Variants in ENOX1 observed in about 807,000 individuals in gnomAD.
ENOX1 encodes the protein ecto-NOX disulfide-thiol exchanger 1.
Under a neutral mutation model 82.5 loss-of-function variants are expected in ENOX1, and 42 were observed. The ratio of observed to expected loss-of-function variants is 0.51; its 90% confidence interval spans 0.40 to 0.66. The LOEUF (loss-of-function observed/expected upper bound fraction) is 0.66, where lower values mean the gene tolerates loss of function less well. ENOX1 is among the 30% of genes least tolerant of loss of function. The probability of loss-of-function intolerance (pLI) is 0.00; values close to 1 mark genes in which losing one functional copy is unlikely to be tolerated. For synonymous variants in ENOX1, 271 were observed against 282.2 expected (o/e 0.96, Z 0.40); for missense variants, 608 against 811.6 (o/e 0.75, Z 3.05).
At chr13:43,400,381 C>G (rs1214239752) in intron 5 of ENOX1, among the ~76,000 whole-genome samples, 1 of 152,222 alleles carries the variant, frequency 6.6e-6, no homozygotes, top group Non-Finnish European at 1.5e-5. Flanking sequence ...ATCCCACCTG[C>G]TCTGCATTCT....
intron 11 of ENOX1, among the ~76,000 whole-genome samples, chr13:43,302,249 C>T (rs956515514): frequency 8.5e-5 from 13 of 152,096 alleles, no homozygotes; most frequent in African/African-American, 2.9e-4. Flanking sequence ...GAATTAGACA[C>T]CTTAAATGTC....
intron 14 of ENOX1, among the ~76,000 whole-genome samples, chr13:43,259,059 G>A (rs1376018823): frequency 6.6e-6 from 1 of 152,140 alleles, no homozygotes; most frequent in African/African-American, 2.4e-5. Context: ...GTCCAAGGCT[G>A]GGTAACAGTA....
In ENOX1 at chr13:43,401,330, G is replaced by A. The variant is rs536356824; in HGVS notation, c.208+10586C>T. Reference sequence around the variant, plus strand: ...AATCAAACAAAATATATGAAATGACGGTTTTCAGATACTGTACAACAAAAA... The same window carrying A: ...AATCAAACAAAATATATGAAATGACAGTTTTCAGATACTGTACAACAAAAA... On this transcript the variant is annotated intron_variant, in intron 5 of 16. Coordinates refer to ENST00000690772, the MANE Select transcript of ENOX1 (RefSeq NM_001347969.2). 1.2e-4 allele frequency among the ~76,000 whole-genome samples: 18 copies of A among 152,112 alleles called. No individual in the cohort carries two copies. In the South Asian group the frequency reaches 1.5e-3, roughly 12 times the overall value.
At chr13:43,230,544 A>T (rs1016122474) in intron 15 of ENOX1, among the ~76,000 whole-genome samples, 3 of 152,146 alleles carry the variant, frequency 2.0e-5, no homozygotes, top group Admixed American at 6.5e-5. Context: ...CTTTCATAAT[A>T]GTCCTCATAC....
intron 5 of ENOX1, among the ~76,000 whole-genome samples, chr13:43,373,577 CACACAT>C (rs1411221751): frequency 3.9e-5 from 6 of 152,186 alleles, no homozygotes; most frequent in African/African-American, 7.2e-5. Context: ...TTTTTACCCA[CACACAT>C]ACACATACAC....
chr13:43,658,269 T>C (rs1164857856), intron 2 of ENOX1, among the ~76,000 whole-genome samples: 4 of 152,238 alleles, frequency 2.6e-5, no homozygotes, highest in South Asian at 2.1e-4. Flanking sequence ...TCAGTTTCTA[T>C]GCTTGTCATA....
At position 43,786,957 on chromosome 13, in the gene ENOX1, G is replaced by T. The variant is rs1296920148; in HGVS notation, c.-590C>A. The T allele has an allele frequency of 2.0e-5, 3 of 150,844 alleles. No individual in the cohort carries two copies. Among genetic ancestry groups the T allele is most frequent in the Non-Finnish European group, 4.4e-5 (3 of 67,564 alleles). The allele number at this position is 150,844 out of a possible 1,614,324, so 9.3% of individuals were successfully genotyped here. On this transcript the variant is annotated 5_prime_UTR_variant, in exon 1 of 17. Coordinates refer to ENST00000690772, the MANE Select transcript of ENOX1 (RefSeq NM_001347969.2). This position sits in a 1 kb window ranked among gnomAD's most constrained non-coding sequence, Gnocchi z 6.0. ...GCTGGAGGCGCGCGGGCGTGCGCAC[G>T]CGCGCCTGCGAGTGTGAGTGTATGG...
At chr13:43,608,910 G>A (rs1302496759) in intron 2 of ENOX1, among the ~76,000 whole-genome samples, 2 of 152,254 alleles carry the variant, frequency 1.3e-5, no homozygotes, top group Admixed American at 6.5e-5. Flanking sequence ...CTCCTCTAAC[G>A]TCAGTGTCAG....
chr13:43,564,344 T>A (rs2079823058), intron 2 of ENOX1, among the ~76,000 whole-genome samples: 1 of 151,846 alleles, frequency 6.6e-6, no homozygotes, highest in Non-Finnish European at 1.5e-5. Flanking sequence ...AGAAAAAAAA[T>A]CCTAAAATTT....
At chr13:43,695,954 C>G (rs1454044760) in intron 1 of ENOX1, among the ~76,000 whole-genome samples, 1 of 152,130 alleles carries the variant, frequency 6.6e-6, no homozygotes, top group Non-Finnish European at 1.5e-5. Flanking sequence ...CCCCATCCCC[C>G]CACTACAACC....
intron 2 of ENOX1, among the ~76,000 whole-genome samples, chr13:43,665,806 C>T (rs568650672): frequency 6.6e-6 from 1 of 151,336 alleles, no homozygotes; most frequent in Non-Finnish European, 1.5e-5. Flanking sequence ...CAAATGCCAG[C>T]GTAATACCTG....
chr13:43,727,200 A>C (rs2089038226), intron 1 of ENOX1, among the ~76,000 whole-genome samples: 1 of 151,926 alleles, frequency 6.6e-6, no homozygotes, highest in Non-Finnish European at 1.5e-5. Flanking sequence ...AGGTTAACAG[A>C]CTCCAGTTAC....
At chr13:43,440,935 A>G (rs2153621989) in intron 3 of ENOX1, among the ~76,000 whole-genome samples, 1 of 152,338 alleles carries the variant, frequency 6.6e-6, no homozygotes, top group Non-Finnish European at 1.5e-5. Context: ...TGCTTGATAC[A>G]CTTGAGAAGG....
chr13:43,468,381 C>T (rs1291748691), intron 3 of ENOX1, among the ~76,000 whole-genome samples: 1 of 151,918 alleles, frequency 6.6e-6, no homozygotes, highest in Non-Finnish European at 1.5e-5. Context: ...TGGGGTTTCA[C>T]CATGCTGGCC....
At chr13:43,259,391 G>C (rs2043928451) in intron 14 of ENOX1, among the ~76,000 whole-genome samples, 2 of 152,314 alleles carry the variant, frequency 1.3e-5, no homozygotes, top group African/African-American at 4.8e-5. Context: ...GAAACATATG[G>C]AGCAGGATGC....
chr13:43,277,438 G>T (rs2045114607), intron 12 of ENOX1, among the ~76,000 whole-genome samples: 1 of 152,114 alleles, frequency 6.6e-6, no homozygotes, highest in Non-Finnish European at 1.5e-5. Flanking sequence ...TGAACCCTGG[G>T]GTCATGCCTA....
At chr13:43,522,732 G>T (rs1277760249) in intron 2 of ENOX1, among the ~76,000 whole-genome samples, 1 of 151,938 alleles carries the variant, frequency 6.6e-6, no homozygotes, top group African/African-American at 2.4e-5. Context: ...CCAGATTTGT[G>T]GATTTCATGC....
chr13:43,756,479 AGG>A (rs1950644340), intron 1 of ENOX1, among the ~76,000 whole-genome samples: 1 of 48,754 alleles, frequency 2.1e-5, no homozygotes, highest in African/African-American at 8.2e-5. Flanking sequence ...AGGGGAGGGG[AGG>A]GGAAGGGGAG....
Position 43,341,033 on chromosome 13 carries a change from T to C in ENOX1, c.1036+3505A>G, listed in dbSNP as rs181240981. Among the ~76,000 whole-genome samples the C allele has an allele frequency of 3.9e-5, 6 of 152,084 alleles. No individual in the cohort carries two copies. In the South Asian group the frequency reaches 1.2e-3, roughly 32 times the overall value. On this transcript the variant is annotated intron_variant, in intron 9 of 16. Coordinates refer to ENST00000690772, the MANE Select transcript of ENOX1 (RefSeq NM_001347969.2). ...ATTCAGTGGGCTGGGCACAGTGGCT[T>C]ACACCTGTAATCCCAGCACTTTGGG...
Sources: allele counts gnomAD v4.1 joint callset (sites outside exome capture counted in the v4.1 genomes callset), GRCh38; gene constraint gnomAD v4.1.1; non-coding constraint Gnocchi (gnomAD v3.1); transcripts MANE v1.5; gene names NCBI Gene and HGNC (gene_info 2026-07-23, HGNC 2026-07-21).